MISFA: variants seen among roughly 807,000 people sequenced by gnomAD.
MISFA encodes the protein mitochondrial sheath formation associated.
the MISFA span, chr11:18,599,981 C>T: frequency 2.5e-5 from 10 of 398,842 alleles, no homozygotes; most frequent in Non-Finnish European, 4.4e-5. Context: ...TACATGGGCA[C>T]GTTTCCAGAG....
chr11:18,602,441 T>C, the MISFA span: 4 of 152,646 alleles, frequency 2.6e-5, no homozygotes, highest in African/African-American at 9.6e-5. Context: ...CAGAACTTTG[T>C]GGCAGTCCTG....
the MISFA span, chr11:18,601,449 T>TC: frequency 3.0e-6 from 1 of 329,100 alleles, no homozygotes; most frequent in East Asian, 4.6e-5. Context: ...TAGCATTCTT[T>TC]TTTTTTTTTT....
the MISFA span, among the ~76,000 whole-genome samples, chr11:18,600,178 G>C: frequency 5.9e-5 from 9 of 151,882 alleles, no homozygotes; most frequent in Non-Finnish European, 1.0e-4. Context: ...TCCCACTAGG[G>C]ACATCCTTTT....
At chr11:18,601,664 C>G in the MISFA span, 86 of 396,226 alleles carry the variant, frequency 2.2e-4, no homozygotes, top group African/African-American at 1.6e-3. Flanking sequence ...CCAGCCTTGG[C>G]CTCCCAGAGT....
At chr11:18,602,496 G>C in the MISFA span, 1 of 152,578 alleles carries the variant, frequency 6.6e-6, no homozygotes, top group African/African-American at 2.4e-5. Flanking sequence ...CTCCAGCTGC[G>C]AAATGAGTAA....
the MISFA span, among the ~76,000 whole-genome samples, chr11:18,600,850 C>T: frequency 1.9e-4 from 29 of 151,916 alleles, no homozygotes; most frequent in Non-Finnish European, 4.1e-4. Context: ...TTTTTGTTTC[C>T]CCCTCCCTTG....
the MISFA span, chr11:18,606,353 A>G: frequency 5.6e-6 from 1 of 179,198 alleles, no homozygotes; most frequent in Admixed American, 6.5e-5. Context: ...GGGTGATGAG[A>G]TAAAGAATAT....
the MISFA span, chr11:18,607,106 G>A: frequency 4.9e-5 from 9 of 183,490 alleles, no homozygotes; most frequent in South Asian, 1.0e-4. Flanking sequence ...CAAGTGATCC[G>A]CCCGCCTCGG....
At chr11:18,605,813 CCT>C in the MISFA span, among the ~76,000 whole-genome samples, 118 of 152,282 alleles carry the variant, frequency 7.7e-4, 2 homozygotes, top group South Asian at 0.021. Flanking sequence ...ACCTCAGCCC[CCT>C]GAGTAGCAGG....
At chr11:18,608,929 T>C in the MISFA span, 1 of 149,878 alleles carries the variant, frequency 6.7e-6, no homozygotes, top group Non-Finnish European at 1.5e-5. Flanking sequence ...AATGAAGTCA[T>C]TAATGTCAAG....
At chr11:18,601,155 C>A in the MISFA span, 1 of 398,568 alleles carries the variant, frequency 2.5e-6, no homozygotes, top group Non-Finnish European at 4.4e-6. Flanking sequence ...ACTGAGGAGG[C>A]GGGCTTTAGG....
the MISFA span, chr11:18,607,623 C>G: frequency 6.6e-6 from 1 of 152,618 alleles, no homozygotes; most frequent in African/African-American, 2.4e-5. Flanking sequence ...GGTTTGTGAG[C>G]TTTTTATAAG....
At chr11:18,600,008 G>A in the MISFA span, 2 of 398,752 alleles carry the variant, frequency 5.0e-6, no homozygotes, top group Non-Finnish European at 8.8e-6. Flanking sequence ...GTAAGTAATG[G>A]CTCTGCCTGT....
chr11:18,606,561 A>T, the MISFA span: 2 of 272,574 alleles, frequency 7.3e-6, no homozygotes, highest in African/African-American at 4.7e-5. Flanking sequence ...ATTGTGTAAA[A>T]GACAGGATGG....
chr11:18,604,690 A>G, the MISFA span, among the ~76,000 whole-genome samples: 3 of 152,154 alleles, frequency 2.0e-5, no homozygotes, highest in African/African-American at 4.8e-5. Context: ...CATTTTTAAT[A>G]TTAGGGTTAA....
chr11:18,607,293 G>A, the MISFA span: 3 of 152,860 alleles, frequency 2.0e-5, no homozygotes, highest in Non-Finnish European at 2.9e-5. Flanking sequence ...ACAAAGTTCT[G>A]AAAGTAGCCT....
At chr11:18,609,725 G>A in the MISFA span, 6 of 703,566 alleles carry the variant, frequency 8.5e-6, no homozygotes, top group South Asian at 1.8e-5. Context: ...ATGACAGCCT[G>A]CAAATGACAG....
the MISFA span, chr11:18,602,956 T>A: frequency 2.5e-6 from 1 of 393,832 alleles, no homozygotes; most frequent in Non-Finnish European, 4.5e-6. Context: ...TAAATGGCCA[T>A]GAGGAGCCAC....
At chr11:18,609,824 G>C in the MISFA span, 2 of 1,588,866 alleles carry the variant, frequency 1.3e-6, no homozygotes, top group Admixed American at 3.4e-5. Context: ...CCTTGCAGCA[G>C]AGCAGCTCTA....
Sources: allele counts gnomAD v4.1 joint callset (sites outside exome capture counted in the v4.1 genomes callset), GRCh38; gene constraint gnomAD v4.1.1; transcripts MANE v1.5; gene names NCBI Gene and HGNC (gene_info 2026-07-23, HGNC 2026-07-21).